DLGAP1: variants seen among roughly 807,000 people sequenced by gnomAD.
DLGAP1 encodes the protein DLG associated protein 1.
Under a neutral mutation model 90.8 loss-of-function variants are expected in DLGAP1, and 11 were observed. That is an observed-to-expected ratio of 0.12 (90% confidence interval 0.08 to 0.20). DLGAP1 has a LOEUF of 0.20. Among genes scored for constraint, DLGAP1 ranks in the 10% least tolerant of loss-of-function variants. The pLI, the probability that DLGAP1 is intolerant of heterozygous loss-of-function variation, is 1.00. For synonymous variants in DLGAP1, 558 were observed against 540.7 expected, an observed-to-expected ratio of 1.03 and a Z score of -0.44; for missense variants, 1,050 against 1,333.8, an observed-to-expected ratio of 0.79 and a Z score of 3.31.
chr18:3,724,602 G>A (rs13381043), intron 7 of DLGAP1, among the ~76,000 whole-genome samples: 52,422 of 151,708 alleles, frequency 0.35, 9,804 homozygotes, highest in East Asian at 0.53. Flanking sequence ...AAAATTATCC[G>A]GGTGTGGTGG....
At chr18:4,296,610 T>G (rs1322951259) in intron 1 of DLGAP1, among the ~76,000 whole-genome samples, 1 of 152,236 alleles carries the variant, frequency 6.6e-6, no homozygotes, top group Non-Finnish European at 1.5e-5. Flanking sequence ...GAAAACCACT[T>G]TCAGATTGGC....
chr18:4,447,791 C>T (rs2083704189), intron 1 of DLGAP1, among the ~76,000 whole-genome samples: 1 of 152,092 alleles, frequency 6.6e-6, no homozygotes, highest in Non-Finnish European at 1.5e-5. Flanking sequence ...ACTTGATTCC[C>T]AATAATGTAA....
At chr18:3,999,399 G>T (rs1445314292) in intron 3 of DLGAP1, among the ~76,000 whole-genome samples, 1 of 151,932 alleles carries the variant, frequency 6.6e-6, no homozygotes, top group Admixed American at 6.6e-5. Context: ...TTATTTTTAG[G>T]ATCCAAATGC....
chr18:4,357,651 T>G (rs934624334), intron 1 of DLGAP1, among the ~76,000 whole-genome samples: 3 of 152,170 alleles, frequency 2.0e-5, no homozygotes, highest in Non-Finnish European at 4.4e-5. Flanking sequence ...TCCTGAGAAT[T>G]CTGAAAAACC....
intron 1 of DLGAP1, among the ~76,000 whole-genome samples, chr18:4,307,088 A>G (rs1294966536): frequency 1.3e-5 from 2 of 152,192 alleles, no homozygotes; most frequent in African/African-American, 2.4e-5. Context: ...GAAATTTCAG[A>G]TTTTACACAG....
In DLGAP1 at chr18:3,782,284, G is replaced by A. The variant is rs758481290; in HGVS notation, c.1172+31775C>T. 5.3e-4 allele frequency among the ~76,000 whole-genome samples: 81 copies of A among 152,040 alleles called. 1 individual carries two copies. The highest frequency in any genetic ancestry group is 1.8e-3 in the African/African-American group (76 of 41,454). ...CTAGAGTAGCTGGGATTACAGGTACGTGCCACCACGCCTGGCTAATTTTTG... is the reference window on the plus strand; with the variant it reads ...CTAGAGTAGCTGGGATTACAGGTACATGCCACCACGCCTGGCTAATTTTTG... On this transcript the variant is annotated intron_variant, in intron 5 of 12. Transcript: ENST00000315677.
chr18:4,371,905 A>G (rs1237126039), intron 1 of DLGAP1, among the ~76,000 whole-genome samples: 2 of 152,224 alleles, frequency 1.3e-5, no homozygotes, highest in East Asian at 1.9e-4. Context: ...AGAAGGACAA[A>G]GTAACAGGTG....
chr18:4,410,402 T>A (rs2658261), intron 1 of DLGAP1, among the ~76,000 whole-genome samples: 74,229 of 152,022 alleles, frequency 0.49, 18,636 homozygotes, highest in East Asian at 0.61. Flanking sequence ...ATTTTTAAAG[T>A]AGATTCTAAA....
intron 1 of DLGAP1, among the ~76,000 whole-genome samples, chr18:4,434,447 G>A (rs754055192): frequency 2.0e-5 from 3 of 152,034 alleles, no homozygotes; most frequent in African/African-American, 7.2e-5. Flanking sequence ...GGTTCTCCTT[G>A]AATCTGCTCA....
At chr18:3,582,573 G>A (rs1307490463) in intron 7 of DLGAP1, among the ~76,000 whole-genome samples, 1 of 152,162 alleles carries the variant, frequency 6.6e-6, no homozygotes, top group Non-Finnish European at 1.5e-5. Context: ...CCAACAAATT[G>A]TATAGGCACA....
At chr18:3,874,293 C>T (rs1034379244) in intron 4 of DLGAP1, 7 of 1,547,862 alleles carry the variant, frequency 4.5e-6, no homozygotes, top group African/African-American at 4.1e-5. Context: ...CTCTCTCTCT[C>T]GCTCCCTCTG....
At chr18:4,131,168 G>A (rs1296844150) in intron 2 of DLGAP1, among the ~76,000 whole-genome samples, 1 of 152,042 alleles carries the variant, frequency 6.6e-6, no homozygotes. Context: ...ATTGTCTCCA[G>A]TTTATGAGCT....
In DLGAP1 at chr18:3,800,437, G is replaced by A. The variant is rs983865662; in HGVS notation, c.1172+13622C>T. On this transcript the variant is annotated intron_variant, in intron 5 of 12. Transcript: ENST00000315677. ...TAAATTATAGTACAGGAATATAATGGAATACTTTGCCATTGTTAAAAAGAG... is the reference window on the plus strand; with the variant it reads ...TAAATTATAGTACAGGAATATAATGAAATACTTTGCCATTGTTAAAAAGAG... Among the ~76,000 whole-genome samples the A allele has an allele frequency of 2.0e-5, 3 of 152,274 alleles. No homozygotes were observed. The South Asian group carries it at 6.2e-4, about 32-fold the overall frequency.
chr18:3,869,732 C>T (rs2148789776), intron 4 of DLGAP1, among the ~76,000 whole-genome samples: 1 of 152,264 alleles, frequency 6.6e-6, no homozygotes, highest in South Asian at 2.1e-4. Context: ...ATGCTAATCC[C>T]AATGCCAGCT....
chr18:4,371,149 G>C (rs2081907200), intron 1 of DLGAP1, among the ~76,000 whole-genome samples: 1 of 152,202 alleles, frequency 6.6e-6, no homozygotes, highest in Admixed American at 6.5e-5. Context: ...TACATTTGCA[G>C]GTGTCTGAGA....
chr18:4,136,135 C>T (rs965515630), intron 2 of DLGAP1, among the ~76,000 whole-genome samples: 3 of 151,980 alleles, frequency 2.0e-5, no homozygotes, highest in Non-Finnish European at 4.4e-5. Flanking sequence ...TTTCTTTATC[C>T]GTTTGTCTGT....
At chr18:3,917,514 G>T (rs1486069042) in intron 3 of DLGAP1, among the ~76,000 whole-genome samples, 2 of 152,028 alleles carry the variant, frequency 1.3e-5, no homozygotes, top group Non-Finnish European at 1.5e-5. Context: ...TACTGTATAT[G>T]TTATATAATA....
At chr18:4,263,391 T>C (rs60786595) in intron 1 of DLGAP1, among the ~76,000 whole-genome samples, 2,156 of 152,302 alleles carry the variant, frequency 0.014, 46 homozygotes, top group African/African-American at 0.048. Context: ...ATTTAAAAAA[T>C]TCTTCCATTC....
intron 1 of DLGAP1, among the ~76,000 whole-genome samples, chr18:4,242,889 G>T (rs1398792746): frequency 6.6e-6 from 1 of 152,012 alleles, no homozygotes; most frequent in Non-Finnish European, 1.5e-5. Flanking sequence ...TGAGGGCTAG[G>T]TCACACATGT....
Sources: gnomAD v4.1 joint callset for allele counts (sites outside exome capture counted in the v4.1 genomes callset) on GRCh38, gnomAD v4.1.1 for gene constraint, MANE v1.5 for transcripts, NCBI Gene and HGNC (gene_info 2026-07-23, HGNC 2026-07-21) for gene names.